Variants in HYAL4 observed in about 807,000 individuals in gnomAD.
The protein encoded by HYAL4 is hyaluronidase-4.
Under a neutral mutation model 35.2 loss-of-function variants are expected in HYAL4, and 37 were observed. The observed-to-expected ratio is 1.05, with a 90% CI of 0.81 to 1.38. The LOEUF (loss-of-function observed/expected upper bound fraction) is 1.38. HYAL4 is among the 40% of genes most tolerant of loss of function. HYAL4 has a pLI of 0.00. For missense variants in HYAL4, 572 were observed against 572.4 expected, an observed-to-expected ratio of 1.00 and a Z score of 0.01; for synonymous variants, 198 against 203.2, an observed-to-expected ratio of 0.97 and a Z score of 0.22.
At chr7:123,767,483 T>C in the HYAL4 span, among the ~76,000 whole-genome samples, 2 of 152,166 alleles carry the variant, frequency 1.3e-5, no homozygotes, top group Non-Finnish European at 2.9e-5. Flanking sequence ...GAAGCCACTT[T>C]TGGACAGACT....
intron 1 of HYAL4, among the ~76,000 whole-genome samples, chr7:123,836,587 G>A (rs1805966593): frequency 6.6e-6 from 1 of 151,782 alleles, no homozygotes; most frequent in Admixed American, 6.6e-5. Context: ...TTCAACGTTA[G>A]TACAGAGATG....
At chr7:123,765,212 T>C in the HYAL4 span, among the ~76,000 whole-genome samples, 3 of 152,056 alleles carry the variant, frequency 2.0e-5, no homozygotes, top group African/African-American at 7.2e-5. Context: ...ATAAAAAAAA[T>C]TGTCACTCTG....
chr7:123,791,454 C>T, the HYAL4 span, among the ~76,000 whole-genome samples: 2 of 152,106 alleles, frequency 1.3e-5, no homozygotes, highest in Non-Finnish European at 2.9e-5. Context: ...CTAAATAAAG[C>T]CATCTCCAAA....
chr7:123,852,992 G>C (rs1806346389), intron 2 of HYAL4, among the ~76,000 whole-genome samples: 1 of 152,056 alleles, frequency 6.6e-6, no homozygotes, highest in South Asian at 2.1e-4. Flanking sequence ...TATTCTCTTT[G>C]TAGCAATTGT....
intron 2 of HYAL4, among the ~76,000 whole-genome samples, chr7:123,866,867 T>G (rs1315227279): frequency 1.3e-5 from 2 of 150,504 alleles, no homozygotes; most frequent in Admixed American, 6.7e-5. Context: ...CTTGGTTCAC[T>G]GCAACCGCCA....
the HYAL4 span, among the ~76,000 whole-genome samples, chr7:123,782,986 A>G: frequency 2.0e-5 from 3 of 151,894 alleles, no homozygotes; most frequent in Non-Finnish European, 2.9e-5. Flanking sequence ...TTTTATCATT[A>G]TGTAAATAAA....
At chr7:123,776,605 ATGT>A in the HYAL4 span, among the ~76,000 whole-genome samples, 3 of 151,974 alleles carry the variant, frequency 2.0e-5, no homozygotes, top group Non-Finnish European at 4.4e-5. Context: ...TTTTGTAGAG[ATGT>A]TGTTTCGCTA....
the HYAL4 span, among the ~76,000 whole-genome samples, chr7:123,765,214 G>T: frequency 6.6e-6 from 1 of 151,874 alleles, no homozygotes; most frequent in Admixed American, 6.6e-5. Context: ...AAAAAAAATT[G>T]TCACTCTGAG....
the HYAL4 span, among the ~76,000 whole-genome samples, chr7:123,768,624 A>T: frequency 4.6e-5 from 7 of 152,200 alleles, no homozygotes; most frequent in African/African-American, 1.7e-4. Flanking sequence ...GCAGCACTTC[A>T]GCTACCATTT....
chr7:123,788,863 T>G, the HYAL4 span, among the ~76,000 whole-genome samples: 1 of 152,230 alleles, frequency 6.6e-6, no homozygotes, highest in African/African-American at 2.4e-5. Flanking sequence ...ATTAAAAATG[T>G]AATTGTAAGC....
chr7:123,871,268 T>G (rs1405482423), intron 3 of HYAL4, among the ~76,000 whole-genome samples: 1 of 151,810 alleles, frequency 6.6e-6, no homozygotes, highest in Non-Finnish European at 1.5e-5. Flanking sequence ...TTCGGCTCAC[T>G]GTGACCTCTG....
At chr7:123,804,653 G>GCA in the HYAL4 span, among the ~76,000 whole-genome samples, 11 of 152,088 alleles carry the variant, frequency 7.2e-5, no homozygotes, top group African/African-American at 2.4e-4. Flanking sequence ...TTCCATGTGT[G>GCA]CACACACACA....
At chr7:123,820,877 ACCT>A in the HYAL4 span, among the ~76,000 whole-genome samples, 1 of 152,170 alleles carries the variant, frequency 6.6e-6, no homozygotes. Flanking sequence ...TATTTTAGAT[ACCT>A]CGTAAGTAGA....
the HYAL4 span, among the ~76,000 whole-genome samples, chr7:123,793,597 T>C: frequency 1.3e-5 from 2 of 152,226 alleles, no homozygotes; most frequent in African/African-American, 4.8e-5. Context: ...GATAGCTTTA[T>C]AAGCGACTTT....
rs188115694 is a variant in HYAL4 at position 123,876,944 on chromosome 7, A to G, written c.1235A>G (p.Asp412Gly). ...AGTTACCACATAGAGGCCTCTGAGG[A>G]CGGGGAGTTTACTGTGAAAGGAAAA... Reference protein sequence around the residue: ...PASYHIEASEDGEFTVKGKAS... With the variant: ...PASYHIEASEGGEFTVKGKAS... The change falls in exon 5 of 5, where the codon GAC becomes GGC. Residue 412 changes from aspartate to glycine, a missense_variant. Transcript: ENST00000223026. The G allele has an allele frequency of 3.0e-5, 49 of 1,614,170 alleles. No individual in the cohort carries two copies. The East Asian group carries it at 1.1e-3, about 35-fold the overall frequency.
chr7:123,819,706 C>T, the HYAL4 span, among the ~76,000 whole-genome samples: 3 of 152,028 alleles, frequency 2.0e-5, no homozygotes, highest in East Asian at 5.8e-4. Flanking sequence ...TGTTAGTTAA[C>T]ATTTCTGAGT....
At chr7:123,842,626 G>T (rs1388303966), upstream of HYAL4, among the ~76,000 whole-genome samples, 1 of 151,906 alleles carries the variant, frequency 6.6e-6, no homozygotes, top group Non-Finnish European at 1.5e-5. Context: ...TATTGTGTGG[G>T]AGTCTAAGTC....
intron 2 of HYAL4, among the ~76,000 whole-genome samples, chr7:123,852,831 A>G (rs548333503): frequency 2.6e-5 from 4 of 152,200 alleles, no homozygotes; most frequent in Non-Finnish European, 5.9e-5. Context: ...CTTGGGCAGT[A>G]TGGCCATTTT....
chr7:123,844,662 C>T (rs542058439), upstream of HYAL4, among the ~76,000 whole-genome samples: 287 of 152,294 alleles, frequency 1.9e-3, no homozygotes, highest in African/African-American at 6.7e-3. Flanking sequence ...GGCAGTAGGC[C>T]TTGTTGAGCT....
Sources: allele counts gnomAD v4.1 joint callset (sites outside exome capture counted in the v4.1 genomes callset), GRCh38; gene constraint gnomAD v4.1.1; transcripts MANE v1.5; gene names NCBI Gene and HGNC (gene_info 2026-07-23, HGNC 2026-07-21).